ABCA8: variants seen among roughly 807,000 people sequenced by gnomAD.
ABCA8 encodes ATP binding cassette subfamily A member 8.
A neutral mutation model predicts 192.3 loss-of-function variants in ABCA8; 177 were observed. That is an observed-to-expected ratio of 0.92 (90% CI 0.81 to 1.04). The LOEUF (loss-of-function observed/expected upper bound fraction) is 1.04, where lower values mean the gene tolerates loss of function less well. ABCA8 is among the 50% of genes least tolerant of loss of function. The pLI is 0.00. For missense variants in ABCA8, 1,915 were observed against 1,904.8 expected (o/e 1.01, Z -0.10); for synonymous variants, 642 against 690.2 (o/e 0.93, Z 1.09).
chr17:68,888,548 T>C (rs150259025), intron 24 of ABCA8, among the ~76,000 whole-genome samples: 1 of 152,238 alleles, frequency 6.6e-6, no homozygotes, highest in African/African-American at 2.4e-5. Context: ...CTCAACATAT[T>C]AGAGGCAAGA....
chr17:68,877,600 T>C lies in ABCA8; in HGVS notation c.4118A>G (p.Asn1373Ser). 6.2e-7 allele frequency: 1 copy of C among 1,614,126 alleles called. No homozygotes were observed. Among genetic ancestry groups the C allele is most frequent in the East Asian group, 2.2e-5 (1 of 44,880 alleles). The change falls in exon 33 of 40, where the codon AAC (asparagine) becomes AGC (serine). Residue 1373 changes from asparagine (N) to serine (S), a missense_variant. Asn to Ser is a conservative substitution (Grantham distance 46, BLOSUM62 1). Coordinates refer to ENST00000586539, the MANE Select transcript of ABCA8 (RefSeq NM_001288985.2). ...YCPQENALWP[N>S]LTVRQHLEVY... is the part of the protein sequence containing the mutation. ...CTCCAGGTGCTGCCTCACTGTCAGGTTGGGCCACAGCGCGTTCTCCTGAGG... is the reference window on the plus strand; with the variant it reads ...CTCCAGGTGCTGCCTCACTGTCAGGCTGGGCCACAGCGCGTTCTCCTGAGG...
intron 1 of ABCA8, among the ~76,000 whole-genome samples, chr17:68,954,023 A>G (rs2068643395): frequency 8.1e-6 from 1 of 123,768 alleles, no homozygotes; most frequent in Non-Finnish European, 1.7e-5. Context: ...TACAGGAGGA[A>G]TTTCTTTTTT....
Position 68,875,413 on chromosome 17 carries a change from G to T in ABCA8, c.4491-13C>A, listed in dbSNP as rs376627663. ...GGAACCGATACATCTGGAGGATGAGGTCATATGAGAAAGGAGAAAAAAAAA... is the reference window on the plus strand; with the variant it reads ...GGAACCGATACATCTGGAGGATGAGTTCATATGAGAAAGGAGAAAAAAAAA... On this transcript the variant is annotated splice_polypyrimidine_tract_variant and intron_variant, in intron 36 of 39. Coordinates refer to ENST00000586539, the MANE Select transcript of ABCA8 (RefSeq NM_001288985.2). 2 of 1,612,850 alleles carry T rather than the reference G, an allele frequency of 1.2e-6. No homozygotes were observed. The highest frequency in any genetic ancestry group is 1.7e-6 in the Non-Finnish European group (2 of 1,179,654).
Position 68,906,161 on chromosome 17 carries a change from G to T in ABCA8, c.2281C>A (p.Leu761Ile), listed in dbSNP as rs140010342. 3.1e-3 allele frequency: 4,859 copies of T among 1,566,342 alleles called. 6 individuals are homozygous for T. Among genetic ancestry groups the T allele is most frequent in the Non-Finnish European group, 3.8e-3 (4,431 of 1,160,536 alleles). ...GGATAGCTATCAAGATCCTTGTAAA[G>T]TTCTAAAGAATACATATACAGCAGT... ...PLERTNKFPE[L>I]YKDLDSYPDL... Residue 761 changes from leucine (L) to isoleucine (I), a missense_variant and splice_region_variant, in exon 19 of 40, where the codon CTT (leucine) becomes ATT (isoleucine). Leu to Ile is a conservative substitution (Grantham distance 5). Transcript: ENST00000586539.
chr17:68,948,631 C>A (rs2068482546), intron 2 of ABCA8, among the ~76,000 whole-genome samples: 1 of 152,056 alleles, frequency 6.6e-6, no homozygotes, highest in Non-Finnish European at 1.5e-5. Context: ...CTTGTAGATT[C>A]TAGACATTAG....
chr17:68,883,381 C>T (rs1251326512), intron 29 of ABCA8, among the ~76,000 whole-genome samples: 2 of 152,178 alleles, frequency 1.3e-5, no homozygotes, highest in Non-Finnish European at 2.9e-5. Context: ...ATAACTGAAC[C>T]AGTCTGTGAT....
rs1028340515 is a variant in ABCA8, at chr17:68,899,950, C to G, written c.2764+2763G>C. Among the ~76,000 whole-genome samples the G allele has an allele frequency of 2.0e-5, 3 of 152,068 alleles. 1 individual carries two copies. The South Asian group carries it at 6.2e-4, about 32-fold the overall frequency. On this transcript the variant is annotated intron_variant, in intron 21 of 39. Transcript: ENST00000586539. The stretch of plus-strand genomic sequence containing the variant: ...CGAAACTTATGCTATGCAGCGAAAG[C>G]ATAGCTTAGAGGGACGTTTATAGCT...
chr17:68,918,984 G>A (rs1447714607), intron 14 of ABCA8, among the ~76,000 whole-genome samples: 2 of 150,628 alleles, frequency 1.3e-5, no homozygotes, highest in Non-Finnish European at 2.9e-5. Context: ...AACTTTCCGG[G>A]TTTGAATGTC....
chr17:68,893,313 T>A (rs2066660014), intron 23 of ABCA8, among the ~76,000 whole-genome samples: 1 of 152,220 alleles, frequency 6.6e-6, no homozygotes. Flanking sequence ...AACTTTTAGT[T>A]ATTCTGGTTC....
intron 10 of ABCA8, 73 bp from the exon 11 acceptor site, chr17:68,924,942 A>T: frequency 6.8e-7 from 1 of 1,481,266 alleles, no homozygotes; most frequent in Non-Finnish European, 9.2e-7. Context: ...GTAATGTAGC[A>T]CGGCAACACA....
Position 68,881,132 on chromosome 17 carries a change from T to C in ABCA8, c.4026A>G (p.Pro1342=). 1.2e-6 allele frequency: 2 copies of C among 1,610,664 alleles called. No homozygotes were observed. Among genetic ancestry groups the C allele is most frequent in the Non-Finnish European group, 1.7e-6 (2 of 1,176,898 alleles). ...ATAATTCACCTACTTGTCCAGCAGT[T>C]GGTTTTGTGTCTCCAGTTATCACCT... The part of the protein sequence containing the change: ...SIKVITGDTK[P]TAGQVLLKGS... Residue 1342 remains proline, a synonymous_variant, in exon 32 of 40, where the codon CCA becomes CCG. Coordinates refer to ENST00000586539, the MANE Select transcript of ABCA8 (RefSeq NM_001288985.2).
chr17:68,923,625 A>G (rs1489103969), intron 11 of ABCA8, among the ~76,000 whole-genome samples: 2 of 152,228 alleles, frequency 1.3e-5, no homozygotes, highest in Non-Finnish European at 2.9e-5. Context: ...CACCTCAAAT[A>G]AAGCCACTGT....
intron 26 of ABCA8, among the ~76,000 whole-genome samples, chr17:68,885,548 T>C (rs2066435578): frequency 6.6e-6 from 1 of 151,840 alleles, no homozygotes; most frequent in Admixed American, 6.6e-5. Context: ...CAGAATTTTT[T>C]TCTCTCTTTT....
intron 2 of ABCA8, among the ~76,000 whole-genome samples, 153 bp downstream of exon 2, chr17:68,949,159 T>C (rs1022613422): frequency 6.6e-6 from 1 of 152,146 alleles, no homozygotes; most frequent in African/African-American, 2.4e-5. Context: ...CTAGTGTTGT[T>C]TGAAGTCAGT....
At chr17:68,879,813 C>T (rs1477232848) in intron 32 of ABCA8, 1 of 152,714 alleles carries the variant, frequency 6.5e-6, no homozygotes, top group African/African-American at 2.4e-5. Context: ...CTCCTGCCAC[C>T]TCAGCTCGCT....
intron 3 of ABCA8, 87 bp from the exon 4 acceptor site, chr17:68,941,049 T>C (rs990632571): frequency 1.7e-5 from 19 of 1,090,922 alleles, no homozygotes; most frequent in Middle Eastern, 3.1e-4. Context: ...TGCCTCTTTT[T>C]TACTTTTCTA....
intron 10 of ABCA8, among the ~76,000 whole-genome samples, chr17:68,926,129 TATC>T (rs1025037636): frequency 1.3e-5 from 2 of 152,050 alleles, no homozygotes; most frequent in Admixed American, 1.3e-4. Context: ...TTTAAAGTAA[TATC>T]ATTAGAGTAT....
Position 68,918,506 on chromosome 17 carries a change from T to C in ABCA8, c.1829A>G (p.Gln610Arg), listed in dbSNP as rs2067444854. The change falls in exon 15 of 40, where the codon CAG becomes CGG. Residue 610 changes from glutamine to arginine, a missense_variant. Coordinates refer to ENST00000586539, the MANE Select transcript of ABCA8 (RefSeq NM_001288985.2). ...VLLELEMKNI[Q>R]DVLAQNLSGG... ...ACTTAAGTTTTGAGCAAGAACATCC[T>C]GAATATTTTTCATTTCCAATTCCAG... 6.6e-7 allele frequency: 1 copy of C among 1,525,540 alleles called. No individual in the cohort carries two copies. The highest frequency in any genetic ancestry group is 8.7e-7 in the Non-Finnish European group (1 of 1,145,056). The allele number at this position is 1,525,540 out of a possible 1,614,324, so 94.5% of individuals were successfully genotyped here. A position where few individuals can be genotyped will look rare whatever the true frequency, so the allele number is the denominator to read the frequency against.
chr17:68,881,250 T>G, intron 31 of ABCA8, 39 bp from the exon 32 acceptor site: 1 of 1,369,004 alleles, frequency 7.3e-7, no homozygotes, highest in South Asian at 1.2e-5. Context: ...TCTATTTTAA[T>G]GGTAACATTA....
Sources: gnomAD v4.1 joint callset for allele counts (sites outside exome capture counted in the v4.1 genomes callset) on GRCh38, gnomAD v4.1.1 for gene constraint, MANE v1.5 for transcripts, NCBI Gene and HGNC (gene_info 2026-07-23, HGNC 2026-07-21) for gene names.